Variants in LPCAT1 observed in about 807,000 individuals in gnomAD.
LPCAT1 encodes the protein 1-acylglycerol-3-phosphate O-acyltransferase.
In LPCAT1, 23 loss-of-function variants were observed where a neutral mutation model predicts 60.9. The observed-to-expected ratio is 0.38, with a 90% CI of 0.27 to 0.53. The LOEUF (loss-of-function observed/expected upper bound fraction) is 0.53. Among genes scored for constraint, LPCAT1 ranks in the 20% least tolerant of loss-of-function variants. The pLI, the probability that LPCAT1 is intolerant of heterozygous loss-of-function variation, is 0.82. For missense variants in LPCAT1, 622 were observed against 723.6 expected, an observed-to-expected ratio of 0.86 and a Z score of 1.61; for synonymous variants, 340 against 301.1, an observed-to-expected ratio of 1.13 and a Z score of -1.34.
intron 5 of LPCAT1, 157 bp downstream of exon 5, chr5:1,488,234 T>G (rs1735443903): frequency 7.4e-6 from 4 of 541,338 alleles, no homozygotes; most frequent in East Asian, 6.1e-5. Context: ...ATTCTCAAAT[T>G]TATTTTGTGA....
In LPCAT1 at chr5:1,521,360, C is replaced by G; in HGVS notation, c.135+2350G>C. 1 of 985,476 alleles carries G rather than the reference C, an allele frequency of 1.0e-6. No homozygotes were observed. The highest frequency in any genetic ancestry group is 1.2e-6 in the Non-Finnish European group (1 of 829,954). 61.0% of individuals were successfully genotyped at this position (985,476 alleles called of 1,614,324 possible). On this transcript the variant is annotated intron_variant, in intron 1 of 13. Transcript: ENST00000283415. This position sits in a 1 kb window ranked among gnomAD's most constrained non-coding sequence, Gnocchi z 4.3. ...GCAGGTACTCACTGGTTTATCTCAA[C>G]TGGGAACTTAGCTGGGTTTCTGCGG... is the stretch of plus-strand genomic sequence containing the variant.
At position 1,483,491 on chromosome 5, in the gene LPCAT1, C is replaced by T. The variant is rs764848461; in HGVS notation, c.668-5G>A. ...GCGCTCCAGGGATGAATGCACCTGC[C>T]GAGAAAGGAACAGCGGTGTTGCCCA... On this transcript the variant is annotated splice_polypyrimidine_tract_variant and splice_region_variant and intron_variant, in intron 5 of 13. Transcript: ENST00000283415. The surrounding 1 kb of genome is among the most constrained non-coding windows in gnomAD (Gnocchi z 9.2). 1.1e-5 allele frequency: 17 copies of T among 1,613,582 alleles called. No homozygotes were observed. Among genetic ancestry groups the T allele is most frequent in the African/African-American group, 2.7e-5 (2 of 74,924 alleles).
intron 5 of LPCAT1, among the ~76,000 whole-genome samples, chr5:1,488,102 G>A (rs78924611): frequency 0.019 from 2,910 of 152,220 alleles, 54 homozygotes; most frequent in African/African-American, 0.048. Flanking sequence ...GACCCCTTCT[G>A]CACCCAGGAC....
rs776769501 is a variant in LPCAT1 at position 1,494,803 on chromosome 5, G to A, written c.390C>T (p.Leu130=). The A allele has an allele frequency of 1.4e-5, 22 of 1,614,080 alleles. No homozygotes were observed. The highest frequency in any genetic ancestry group is 1.7e-5 in the Non-Finnish European group (20 of 1,180,014). ...AGTAGGACGAGTGAGGCGCGAGCGT[G>A]AGGATGGCCGCCTCGGTGGGCAGCG... ...RQALPTEAAI[L]TLAPHSSYFD... Residue 130 remains leucine (L), a synonymous_variant, in exon 3 of 14, where the codon CTC becomes CTT. Coordinates refer to ENST00000283415, the MANE Select transcript of LPCAT1 (RefSeq NM_024830.5).
Position 1,489,840 on chromosome 5 carries a change from C to A in LPCAT1, c.512G>T (p.Arg171Leu), listed in dbSNP as rs755982495. 6.2e-7 allele frequency: 1 copy of A among 1,612,834 alleles called. No individual in the cohort carries two copies. Among genetic ancestry groups the A allele is most frequent in the Admixed American group, 1.7e-5 (1 of 60,028 alleles). The part of the protein sequence containing the change: ...PIWGTLIQYI[R>L]PVFVSRSDQD... ...GTCTGACCGGGACACGAACACAGGCCGTATATACTGGATCAGAGCTGGAAG... is the reference window on the plus strand; with the variant it reads ...GTCTGACCGGGACACGAACACAGGCAGTATATACTGGATCAGAGCTGGAAG... Residue 171 changes from arginine (R) to leucine (L), a missense_variant, in exon 4 of 14, where the codon CGG becomes CTG. Around this residue, in one of 3 missense-constraint regions of LPCAT1, gnomAD observed 209 missense variants for 325.5 expected, o/e 0.64. Coordinates refer to ENST00000283415, the MANE Select transcript of LPCAT1 (RefSeq NM_024830.5).
Position 1,463,548 on chromosome 5 carries a change from T to C in LPCAT1, c.*103A>G. The C allele has an allele frequency of 7.8e-7, 1 of 1,286,186 alleles. No homozygotes were observed. Among genetic ancestry groups the C allele is most frequent in the Non-Finnish European group, 1.1e-6 (1 of 926,824 alleles). The allele number at this position is 1,286,186 out of a possible 1,614,324, so 79.7% of individuals were successfully genotyped here. Reference sequence around the variant, plus strand: ...TGGAACTCGGGCTGAAGACAGTGCCTGTACAGCAGGAGTGAGGAGCGGAGC... The same window carrying C: ...TGGAACTCGGGCTGAAGACAGTGCCCGTACAGCAGGAGTGAGGAGCGGAGC... On this transcript the variant is annotated 3_prime_UTR_variant, in exon 14 of 14. Coordinates refer to ENST00000283415, the MANE Select transcript of LPCAT1 (RefSeq NM_024830.5).
At chr5:1,466,284 C>G (rs2911487) in intron 13 of LPCAT1, among the ~76,000 whole-genome samples, 110,511 of 152,118 alleles carry the variant, frequency 0.73, 40,210 homozygotes, top group South Asian at 0.84. Flanking sequence ...AGACAGGTGA[C>G]TTTTCTCGGG....
chr5:1,520,842 G>A (rs190592965), intron 1 of LPCAT1, among the ~76,000 whole-genome samples: 10 of 132,392 alleles, frequency 7.6e-5, no homozygotes, highest in East Asian at 6.4e-4. Flanking sequence ...CAGCCTGGGC[G>A]ACAGAGAGAG....
intron 8 of LPCAT1, among the ~76,000 whole-genome samples, chr5:1,479,143 C>T (rs565993826): frequency 2.8e-4 from 42 of 152,214 alleles, no homozygotes; most frequent in Admixed American, 5.2e-4. Context: ...CGCCTGTGAT[C>T]CCCGCACTTT....
At position 1,495,945 on chromosome 5, in the gene LPCAT1, T is replaced by C. The variant is rs1004488946; in HGVS notation, c.279-1031A>G. On this transcript the variant is annotated intron_variant, in intron 2 of 13. Coordinates refer to ENST00000283415, the MANE Select transcript of LPCAT1 (RefSeq NM_024830.5). This position sits in a 1 kb window ranked among gnomAD's most constrained non-coding sequence, Gnocchi z 4.7. ...GGAATGGCCTTTGTGTATGCGATGATAAACAATGGTGTAGTTACACATGGA... is the reference window on the plus strand; with the variant it reads ...GGAATGGCCTTTGTGTATGCGATGACAAACAATGGTGTAGTTACACATGGA... Among the ~76,000 whole-genome samples the C allele has an allele frequency of 6.6e-6, 1 of 152,194 alleles. No individual in the cohort carries two copies. Among genetic ancestry groups the C allele is most frequent in the Non-Finnish European group, 1.5e-5 (1 of 68,026 alleles).
intron 12 of LPCAT1, 156 bp from the exon 13 acceptor site, chr5:1,467,046 G>A: frequency 1.4e-6 from 1 of 694,662 alleles, no homozygotes; most frequent in South Asian, 5.5e-5. Context: ...CTTCCATGTG[G>A]AGCCATGCAG....
chr5:1,493,528 C>T (rs1221323868), intron 3 of LPCAT1, among the ~76,000 whole-genome samples: 6 of 152,274 alleles, frequency 3.9e-5, no homozygotes, highest in South Asian at 2.1e-4. Flanking sequence ...CGGCCATAGG[C>T]GACGCCCCTC....
Position 1,522,172 on chromosome 5 carries a change from C to G in LPCAT1, c.135+1538G>C, listed in dbSNP as rs909222106. 3.9e-5 allele frequency among the ~76,000 whole-genome samples: 6 copies of G among 152,300 alleles called. No individual in the cohort carries two copies. Among genetic ancestry groups the G allele is most frequent in the African/African-American group, 1.4e-4 (6 of 41,560 alleles). ...GTTCGAATTTCATCCGGGGGCGTCC[C>G]CGCTGAGGGCTTCCGAGCAGCAGAG... On this transcript the variant is annotated intron_variant, in intron 1 of 13. Transcript: ENST00000283415. This position sits in a 1 kb window ranked among gnomAD's most constrained non-coding sequence, Gnocchi z 6.8.
intron 1 of LPCAT1, among the ~76,000 whole-genome samples, chr5:1,518,576 A>G (rs1736579519): frequency 6.6e-6 from 1 of 152,172 alleles, no homozygotes; most frequent in Non-Finnish European, 1.5e-5. Context: ...TCCCGACCTC[A>G]TGATCCGCCC....
intron 1 of LPCAT1, among the ~76,000 whole-genome samples, chr5:1,505,108 A>G (rs566041089): frequency 6.6e-6 from 1 of 151,678 alleles, no homozygotes; most frequent in Admixed American, 6.6e-5. Flanking sequence ...AGGGTGTGGA[A>G]TAAAATCACA....
intron 2 of LPCAT1, among the ~76,000 whole-genome samples, chr5:1,497,035 GA>G (rs1445038343): frequency 6.6e-6 from 1 of 152,222 alleles, no homozygotes; most frequent in East Asian, 1.9e-4. Flanking sequence ...TGAGACGTGT[GA>G]GCAGAGCAGC....
Position 1,463,742 on chromosome 5 carries a change from G to A in LPCAT1, c.1514C>T (p.Ser505Leu), listed in dbSNP as rs763995971. 3.7e-6 allele frequency: 6 copies of A among 1,614,264 alleles called. No homozygotes were observed. Among genetic ancestry groups the A allele is most frequent in the Non-Finnish European group, 5.1e-6 (6 of 1,180,040 alleles). The change falls in exon 14 of 14, where the codon TCA becomes TTA. Residue 505 changes from serine (S) to leucine (L), a missense_variant. Physicochemically the swap from Ser to Leu is moderately radical, Grantham distance 145 (BLOSUM62 -2). This residue lies in a region of LPCAT1 where 288 missense variants were observed against 283.6 expected (regional missense o/e 1.02). Coordinates refer to ENST00000283415, the MANE Select transcript of LPCAT1 (RefSeq NM_024830.5). ...QTHFESCAET[S>L]PAPIPNGFCA... is the part of the protein sequence containing the mutation. ...GAAGCCGTTTGGGATTGGCGCAGGT[G>A]AGGTCTCTGCACAGCTTTCGAAATG...
At chr5:1,489,614 C>A (rs1467695808) in intron 4 of LPCAT1, 132 bp downstream of exon 4, 2 of 767,666 alleles carry the variant, frequency 2.6e-6, no homozygotes, top group Non-Finnish European at 4.7e-6. Context: ...CTCCTGAGTT[C>A]ACGCACTCAC....
intron 5 of LPCAT1, among the ~76,000 whole-genome samples, chr5:1,484,299 C>T (rs888115128): frequency 6.6e-5 from 10 of 152,270 alleles, no homozygotes; most frequent in Non-Finnish European, 8.8e-5. Context: ...TCTCACTGGC[C>T]GGAGTTGTGC....
Sources: gnomAD v4.1 joint callset for allele counts (sites outside exome capture counted in the v4.1 genomes callset) on GRCh38, gnomAD v4.1.1 for gene constraint, gnomAD v4.1.1 regional missense constraint, Gnocchi (gnomAD v3.1) non-coding constraint, MANE v1.5 for transcripts, NCBI Gene and HGNC (gene_info 2026-07-23, HGNC 2026-07-21) for gene names.